SREK1IP1: variants seen among roughly 807,000 people sequenced by gnomAD.
SREK1IP1 encodes protein SREK1IP1.
Under a neutral mutation model 22.8 loss-of-function variants are expected in SREK1IP1, and 12 were observed. The ratio of observed to expected loss-of-function variants is 0.53; its 90% CI spans 0.34 to 0.85. The LOEUF is 0.85. Ranked by LOEUF, SREK1IP1 falls within the 40% of genes least tolerant of loss-of-function variation. The probability of loss-of-function intolerance (pLI) is 0.02; values close to 1 mark genes in which losing one functional copy is unlikely to be tolerated. For synonymous variants in SREK1IP1, 53 were observed against 52.7 expected, an observed-to-expected ratio of 1.01 and a Z score of -0.02; for missense variants, 147 against 171.8, an observed-to-expected ratio of 0.86 and a Z score of 0.81.
intron 2 of SREK1IP1, among the ~76,000 whole-genome samples, chr5:64,749,983 A>T (rs1742712963): frequency 6.6e-6 from 1 of 152,038 alleles, no homozygotes; most frequent in Non-Finnish European, 1.5e-5. Context: ...ATTGTTTCCA[A>T]GTAGTAATCC....
intron 1 of SREK1IP1, among the ~76,000 whole-genome samples, chr5:64,757,863 T>TTTTC (rs2112111898): frequency 1.1e-5 from 1 of 92,596 alleles, no homozygotes; most frequent in East Asian, 2.6e-4. Flanking sequence ...GTTCCTATCT[T>TTTTC]TTTTTTTTTT....
rs947438295 is a variant in SREK1IP1, at chr5:64,723,239, T to G, written c.*1145A>C. 32 of 152,218 alleles carry G rather than the reference T, an allele frequency of 2.1e-4. No individual in the cohort carries two copies. The highest frequency in any genetic ancestry group is 4.6e-4 in the Admixed American group (7 of 15,290). The allele number at this position is 152,218 out of a possible 1,614,324, so 9.4% of individuals were successfully genotyped here. A position where few individuals can be genotyped will look rare whatever the true frequency, so the allele number is the denominator to read the frequency against. On this transcript the variant is annotated 3_prime_UTR_variant, in exon 5 of 5. Transcript: ENST00000513458. Reference sequence around the variant, plus strand: ...TTCCATTATTATACAAAGGCTTTCATGATGCAACTCCCTGGCTCTTAAATT... The same window carrying G: ...TTCCATTATTATACAAAGGCTTTCAGGATGCAACTCCCTGGCTCTTAAATT...
chr5:64,745,408 T>A (rs1450701752), intron 2 of SREK1IP1, among the ~76,000 whole-genome samples: 2 of 152,108 alleles, frequency 1.3e-5, no homozygotes, highest in African/African-American at 4.8e-5. Flanking sequence ...TTGGCCAACA[T>A]GGCGAAATCC....
intron 2 of SREK1IP1, among the ~76,000 whole-genome samples, chr5:64,747,479 A>AT (rs1192445610): frequency 6.6e-6 from 1 of 151,820 alleles, no homozygotes; most frequent in African/African-American, 2.4e-5. Flanking sequence ...CTGTGTCAAG[A>AT]ACCAGGGACA....
intron 3 of SREK1IP1, among the ~76,000 whole-genome samples, chr5:64,728,748 CTT>C (rs1742321528): frequency 6.6e-6 from 1 of 152,060 alleles, no homozygotes. Flanking sequence ...AGATATTTAT[CTT>C]TGTCATTAAA....
intron 3 of SREK1IP1, among the ~76,000 whole-genome samples, chr5:64,730,268 A>G (rs1487985958): frequency 6.6e-6 from 1 of 152,220 alleles, no homozygotes; most frequent in Non-Finnish European, 1.5e-5. Flanking sequence ...ATTTGGCAAA[A>G]AGTATTTAAA....
chr5:64,729,560 G>C (rs1055420522), intron 3 of SREK1IP1, among the ~76,000 whole-genome samples: 1 of 152,196 alleles, frequency 6.6e-6, no homozygotes, highest in African/African-American at 2.4e-5. Flanking sequence ...AGACCATGAA[G>C]GCAACAGTAA....
chr5:64,741,100 T>G lies in SREK1IP1; in HGVS notation c.162A>C (p.Glu54Asp), dbSNP rs374803983. Residue 54 changes from glutamate to aspartate, a missense_variant, in exon 3 of 5, where the codon GAA (glutamate) becomes GAC (aspartate). Physicochemically the swap from Glu to Asp is conservative, Grantham distance 45. This residue lies in a region of SREK1IP1 where 62 missense variants were observed against 73.3 expected (regional missense o/e 0.85). Transcript: ENST00000513458. ...GCAATTTATTCAGTTCTTCATTCTC[T>G]TCATCGCTATCTTCACTACTTGTAC... ...VSSTSSEDSD[E>D]ENEELNKLQA... The G allele has an allele frequency of 1.2e-6, 2 of 1,613,008 alleles. No homozygotes were observed. The highest frequency in any genetic ancestry group is 1.7e-6 in the Non-Finnish European group (2 of 1,179,410).
intron 4 of SREK1IP1, chr5:64,727,875 T>C (rs1561383058): frequency 6.7e-6 from 2 of 298,444 alleles, no homozygotes. Flanking sequence ...TAAATTCTAT[T>C]AATAAGTTAA....
At chr5:64,758,851 G>A (rs1436117855) in intron 1 of SREK1IP1, among the ~76,000 whole-genome samples, 1 of 152,140 alleles carries the variant, frequency 6.6e-6, no homozygotes, top group Non-Finnish European at 1.5e-5. Context: ...ACATGACAGG[G>A]AAATATAACC....
chr5:64,767,675 T>C (rs1297672404), intron 1 of SREK1IP1, among the ~76,000 whole-genome samples: 1 of 152,192 alleles, frequency 6.6e-6, no homozygotes, highest in African/African-American at 2.4e-5. Flanking sequence ...CTATAGCAAT[T>C]CATAGTATTC....
chr5:64,763,879 G>T (rs1415029432), intron 1 of SREK1IP1, among the ~76,000 whole-genome samples: 1 of 151,942 alleles, frequency 6.6e-6, no homozygotes, highest in African/African-American at 2.4e-5. Flanking sequence ...ATTTTTGCTG[G>T]GTTTAAACAG....
rs10599290 is a variant in SREK1IP1 at position 64,731,521 on chromosome 5, C to CAAAAAAAAAAAAAAAAAAAAAAA, written c.206-3343_206-3342insTTTTTTTTTTTTTTTTTTTTTTT. 1.7e-3 allele frequency among the ~76,000 whole-genome samples: 125 copies of CAAAAAAAAAAAAAAAAAAAAAAA among 74,588 alleles called. 3 individuals are homozygous for CAAAAAAAAAAAAAAAAAAAAAAA. Among genetic ancestry groups the CAAAAAAAAAAAAAAAAAAAAAAA allele is most frequent in the African/African-American group, 4.5e-3 (110 of 24,564 alleles). The allele number at this position is 74,588 out of a possible 152,430, so 48.9% of individuals were successfully genotyped here. On this transcript the variant is annotated intron_variant, in intron 3 of 4. Transcript: ENST00000513458. ...TAGACAACAGAGTGGGCCCTTGTCT[C>CAAAAAAAAAAAAAAAAAAAAAAA]AAAAAAAAAAAAAAAAAGAGGACAG...
chr5:64,738,670 A>G (rs1742505253), intron 3 of SREK1IP1, among the ~76,000 whole-genome samples: 1 of 152,170 alleles, frequency 6.6e-6, no homozygotes, highest in Non-Finnish European at 1.5e-5. Flanking sequence ...AAGTCCAGGA[A>G]TAAACCCATG....
chr5:64,732,090 C>T (rs1214822365), intron 3 of SREK1IP1, among the ~76,000 whole-genome samples: 2 of 152,174 alleles, frequency 1.3e-5, no homozygotes, highest in African/African-American at 2.4e-5. Flanking sequence ...CTAGTATCCA[C>T]GATTTTGTCA....
intron 1 of SREK1IP1, among the ~76,000 whole-genome samples, chr5:64,764,525 A>G (rs925511026): frequency 6.6e-6 from 1 of 152,222 alleles, no homozygotes; most frequent in African/African-American, 2.4e-5. Context: ...GGTGGAAGGA[A>G]AGAGTAGAAA....
intron 2 of SREK1IP1, among the ~76,000 whole-genome samples, chr5:64,752,548 TA>T (rs534313890): frequency 1.3e-5 from 2 of 152,102 alleles, no homozygotes; most frequent in African/African-American, 2.4e-5. Context: ...CTCAAAACTT[TA>T]AAAAACAATA....
In SREK1IP1 at chr5:64,718,638, C is replaced by T. The variant is rs1742097163; in HGVS notation, c.*5746G>A. ...AATCTGTATAATGAAAGCTACAAAA[C>T]AAATGAGTTCTCTGGTCCCACCTAA... On this transcript the variant is annotated 3_prime_UTR_variant, in exon 5 of 5. Coordinates refer to ENST00000513458, the MANE Select transcript of SREK1IP1 (RefSeq NM_173829.4). 3 of 152,044 alleles carry T rather than the reference C, an allele frequency of 2.0e-5. No homozygotes were observed. Among genetic ancestry groups the T allele is most frequent in the Admixed American group, 2.0e-4 (3 of 15,264 alleles). 9.4% of individuals were successfully genotyped at this position (152,044 alleles called of 1,614,324 possible).
At chr5:64,726,311 A>C in intron 4 of SREK1IP1, among the ~76,000 whole-genome samples, 1 of 149,900 alleles carries the variant, frequency 6.7e-6, no homozygotes, top group East Asian at 1.9e-4. Flanking sequence ...CAAATAAATA[A>C]TCTGTTACTA....
Sources: gnomAD v4.1 joint callset for allele counts (sites outside exome capture counted in the v4.1 genomes callset) on GRCh38, gnomAD v4.1.1 for gene constraint, gnomAD v4.1.1 regional missense constraint, MANE v1.5 for transcripts, NCBI Gene and HGNC (gene_info 2026-07-23, HGNC 2026-07-21) for gene names.